Variants in ROBO2 observed in about 807,000 individuals in gnomAD.
The protein encoded by ROBO2 is roundabout homolog 2.
In ROBO2, 53 loss-of-function variants were observed where a neutral mutation model predicts 160.8. The observed-to-expected ratio is 0.33, with a 90% CI of 0.26 to 0.41. ROBO2 has a LOEUF of 0.41. Among genes scored for constraint, ROBO2 ranks in the 10% least tolerant of loss-of-function variants. The pLI, the probability that ROBO2 is intolerant of heterozygous loss-of-function variation, is 1.00. For missense variants in ROBO2, 1,577 were observed against 1,722.4 expected (o/e 0.92, Z 1.49); for synonymous variants, 664 against 611.7 (o/e 1.09, Z -1.26).
At chr3:77,030,292 T>G (rs2063241785) in intron 2 of ROBO2, among the ~76,000 whole-genome samples, 1 of 152,228 alleles carries the variant, frequency 6.6e-6, no homozygotes, top group Non-Finnish European at 1.5e-5. Flanking sequence ...AAGTAAACTT[T>G]ATACATTTAA....
At position 77,455,296 on chromosome 3, in the gene ROBO2, A is replaced by G. The variant is rs115446459; in HGVS notation, c.389-22118A>G. On this transcript the variant is annotated intron_variant, in intron 2 of 25. Transcript: ENST00000461745. ...TTTCAGCAGTTACAATCATTTACGAAAAACTTTTAAGTTACGCTAATGAAA... is the reference window on the plus strand; with the variant it reads ...TTTCAGCAGTTACAATCATTTACGAGAAACTTTTAAGTTACGCTAATGAAA... Among the ~76,000 whole-genome samples the G allele has an allele frequency of 3.2e-3, 486 of 152,328 alleles. 5 individuals are homozygous for G. Among genetic ancestry groups the G allele is most frequent in the African/African-American group, 0.011 (462 of 41,582 alleles).
chr3:76,838,833 A>G (rs1214346105), intron 2 of ROBO2, among the ~76,000 whole-genome samples: 1 of 152,142 alleles, frequency 6.6e-6, no homozygotes, highest in African/African-American at 2.4e-5. Context: ...CTTCATCTGT[A>G]AAATATGGTG....
At chr3:77,141,688 G>T (rs2076718656) in intron 2 of ROBO2, among the ~76,000 whole-genome samples, 1 of 152,094 alleles carries the variant, frequency 6.6e-6, no homozygotes, top group Admixed American at 6.5e-5. Context: ...TGTAATTCTG[G>T]GAGGAAGATT....
intron 5 of ROBO2, among the ~76,000 whole-genome samples, chr3:77,498,995 G>C (rs1162491598): frequency 6.6e-6 from 1 of 152,164 alleles, no homozygotes; most frequent in Non-Finnish European, 1.5e-5. Context: ...CAAATTTAAA[G>C]AAAAAGTGTA....
chr3:76,681,677 A>G (rs1196954000), intron 2 of ROBO2, among the ~76,000 whole-genome samples: 2 of 152,180 alleles, frequency 1.3e-5, no homozygotes, highest in African/African-American at 4.8e-5. Flanking sequence ...GGAGCAGACA[A>G]GAGAGTATGG....
chr3:76,191,515 T>C (rs895309835), intron 2 of ROBO2, among the ~76,000 whole-genome samples: 9 of 149,384 alleles, frequency 6.0e-5, no homozygotes, highest in Non-Finnish European at 8.9e-5. Flanking sequence ...GAATATGTCT[T>C]AGCCCTCCTT....
At chr3:76,712,153 C>A (rs2093306423) in intron 2 of ROBO2, among the ~76,000 whole-genome samples, 1 of 152,110 alleles carries the variant, frequency 6.6e-6, no homozygotes, top group Non-Finnish European at 1.5e-5. Flanking sequence ...AAATCTAACA[C>A]ATTTTAAAAT....
At chr3:77,564,923 T>G in intron 11 of ROBO2, 31 bp from the exon 13 acceptor site, 3 of 1,607,808 alleles carry the variant, frequency 1.9e-6, no homozygotes, top group Non-Finnish European at 2.5e-6. Context: ...AAATGACTGT[T>G]CTTTAAATGA....
At chr3:77,191,829 T>C (rs1192602882) in intron 2 of ROBO2, among the ~76,000 whole-genome samples, 1 of 152,178 alleles carries the variant, frequency 6.6e-6, no homozygotes, top group Non-Finnish European at 1.5e-5. Context: ...TGAAAATCCT[T>C]ACAATGAAGC....
chr3:76,603,332 CAA>C lies in ROBO2; in HGVS notation c.110-494663_110-494662del, dbSNP rs61547121. On this transcript the variant is annotated intron_variant, in intron 2 of 26. Transcript: ENST00000487694. The stretch of plus-strand genomic sequence containing the variant: ...GGGTGACAGAGCGAGACTCCATCTC[CAA>C]AAAAAAAAAAAAAAAAAATATATAT... Among the ~76,000 whole-genome samples the C allele has an allele frequency of 3.2e-3, 213 of 66,336 alleles. 1 individual carries two copies. The highest frequency in any genetic ancestry group is 0.014 in the Middle Eastern group (1 of 72). 43.5% of individuals were successfully genotyped at this position (66,336 alleles called of 152,430 possible).
intron 2 of ROBO2, among the ~76,000 whole-genome samples, chr3:76,065,754 C>T (rs1471996): frequency 0.3 from 19,813 of 67,134 alleles, 1,388 homozygotes; most frequent in Non-Finnish European, 0.38. Flanking sequence ...TATATATATA[C>T]ACACACACAC....
intron 2 of ROBO2, among the ~76,000 whole-genome samples, chr3:76,121,656 G>A (rs1246943571): frequency 1.3e-5 from 2 of 152,068 alleles, no homozygotes; most frequent in Non-Finnish European, 2.9e-5. Context: ...TGTGTGATTG[G>A]ATGCTGGCAT....
intron 2 of ROBO2, among the ~76,000 whole-genome samples, chr3:76,265,537 A>G (rs1407838790): frequency 2.0e-5 from 3 of 152,148 alleles, no homozygotes; most frequent in Non-Finnish European, 4.4e-5. Flanking sequence ...AAAATCACTC[A>G]ACTCAATTTC....
At position 76,662,827 on chromosome 3, in the gene ROBO2, C is replaced by A. The variant is rs575577862; in HGVS notation, c.110-435187C>A. ...TTTAGCTGAATGGTGACATGTGAGG[C>A]AAGGAGTAAACTGATATGAGCATAG... On this transcript the variant is annotated intron_variant, in intron 2 of 26. Transcript: ENST00000487694. 4.7e-4 allele frequency among the ~76,000 whole-genome samples: 72 copies of A among 152,084 alleles called. 1 individual carries two copies. Among genetic ancestry groups the A allele is most frequent in the Middle Eastern group, 6.8e-3 (2 of 292 alleles).
chr3:76,447,234 T>C (rs1446608297), intron 2 of ROBO2, among the ~76,000 whole-genome samples: 2 of 152,052 alleles, frequency 1.3e-5, no homozygotes, highest in Non-Finnish European at 2.9e-5. Flanking sequence ...GGGTGAAGGA[T>C]ATGAACAGAC....
chr3:77,590,851 G>A (rs1413942490), intron 17 of ROBO2, among the ~76,000 whole-genome samples: 1 of 151,786 alleles, frequency 6.6e-6, no homozygotes, highest in Non-Finnish European at 1.5e-5. Context: ...AATATATGTT[G>A]ATCATTGAGC....
intron 2 of ROBO2, among the ~76,000 whole-genome samples, chr3:76,192,443 T>C (rs1331639786): frequency 6.6e-6 from 1 of 151,894 alleles, no homozygotes; most frequent in Non-Finnish European, 1.5e-5. Flanking sequence ...AGCACTTTTC[T>C]CCTTACTATT....
At chr3:77,185,728 C>G (rs929130508) in intron 2 of ROBO2, among the ~76,000 whole-genome samples, 2 of 151,846 alleles carry the variant, frequency 1.3e-5, no homozygotes, top group African/African-American at 2.4e-5. Flanking sequence ...TATAGCAGCA[C>G]ACTTCACAAT....
At chr3:77,137,810 G>A (rs144516155) in intron 2 of ROBO2, among the ~76,000 whole-genome samples, 48 of 152,292 alleles carry the variant, frequency 3.2e-4, no homozygotes, top group Middle Eastern at 3.4e-3. Flanking sequence ...TTTTATCTGC[G>A]TAAGCCTGAA....
Sources: gnomAD v4.1 joint callset for allele counts (sites outside exome capture counted in the v4.1 genomes callset) on GRCh38, gnomAD v4.1.1 for gene constraint, MANE v1.5 for transcripts, NCBI Gene and HGNC (gene_info 2026-07-23, HGNC 2026-07-21) for gene names.